NAA60: variants seen among roughly 807,000 people sequenced by gnomAD.
The protein encoded by NAA60 is N-alpha-acetyltransferase 60, NatF catalytic subunit.
Under a neutral mutation model 26.1 loss-of-function variants are expected in NAA60, and 8 were observed. The ratio of observed to expected loss-of-function variants is 0.31; its 90% CI spans 0.18 to 0.55. The LOEUF (loss-of-function observed/expected upper bound fraction) is 0.55. Ranked by LOEUF, NAA60 falls within the 20% of genes least tolerant of loss-of-function variation. NAA60 has a pLI of 0.93. For missense variants in NAA60, 290 were observed against 311.3 expected (o/e 0.93, Z 0.51); for synonymous variants, 131 against 122.5 (o/e 1.07, Z -0.46).
chr16:3,470,381 C>A (rs540755596), intron 2 of NAA60, among the ~76,000 whole-genome samples: 1 of 152,292 alleles, frequency 6.6e-6, no homozygotes, highest in East Asian at 1.9e-4. Context: ...ACAGAGCTCC[C>A]GTCACAGCGG....
intron 2 of NAA60, among the ~76,000 whole-genome samples, chr16:3,467,458 G>A (rs1485996823): frequency 6.6e-6 from 1 of 152,180 alleles, no homozygotes; most frequent in Non-Finnish European, 1.5e-5. Context: ...TCCAAGCGCA[G>A]CATGACTTGT....
chr16:3,478,366 G>A (rs2036614862), intron 3 of NAA60, among the ~76,000 whole-genome samples: 1 of 152,238 alleles, frequency 6.6e-6, no homozygotes, highest in Non-Finnish European at 1.5e-5. Flanking sequence ...GTGGAGCCAC[G>A]CTGGACCGTG....
chr16:3,471,484 G>A (rs1391428335), intron 2 of NAA60, among the ~76,000 whole-genome samples: 1 of 152,050 alleles, frequency 6.6e-6, no homozygotes, highest in East Asian at 1.9e-4. Flanking sequence ...GCCTTGGGGG[G>A]CAGAGCAAGA....
At chr16:3,469,670 G>T (rs577384018) in intron 2 of NAA60, among the ~76,000 whole-genome samples, 7 of 152,108 alleles carry the variant, frequency 4.6e-5, no homozygotes, top group Non-Finnish European at 1.5e-5. Context: ...GCACCTGCCT[G>T]GCGGGGCCTG....
At chr16:3,458,721 A>G (rs754389429) in intron 2 of NAA60, among the ~76,000 whole-genome samples, 44 of 152,180 alleles carry the variant, frequency 2.9e-4, no homozygotes, top group Admixed American at 1.5e-3. Flanking sequence ...GTCTCCTCCT[A>G]GTCTTATTCT....
chr16:3,480,884 G>A (rs935068344), intron 4 of NAA60, among the ~76,000 whole-genome samples: 10 of 152,144 alleles, frequency 6.6e-5, no homozygotes, highest in African/African-American at 2.4e-4. Context: ...ACTCCAGCCT[G>A]GGTGACAGAG....
At position 3,476,319 on chromosome 16, in the gene NAA60, G is replaced by A. The variant is rs779048141; in HGVS notation, c.92G>A (p.Gly31Asp). ...ATAGACACTGTGAAGCACCTGTGTG[G>A]CGACTGGTTCCCCATCGAGTAAGTG... ...DDIDTVKHLCGDWFPIEYPDS... is the reference protein window; with the variant it reads ...DDIDTVKHLCDDWFPIEYPDS... Residue 31 changes from glycine to aspartate, a missense_variant, in exon 3 of 8, where the codon GGC (glycine) becomes GAC (aspartate). By Grantham distance (94) the Gly-to-Asp change is moderately conservative (BLOSUM62 -1). Transcript: ENST00000407558. The A allele has an allele frequency of 1.2e-5, 20 of 1,613,916 alleles. No individual in the cohort carries two copies. The Middle Eastern group carries it at 4.9e-4, about 40-fold the overall frequency.
chr16:3,476,415 T>C (rs756089335), intron 3 of NAA60, 78 bp downstream of exon 3: 1 of 1,208,408 alleles, frequency 8.3e-7, no homozygotes, highest in Non-Finnish European at 1.2e-6. Flanking sequence ...GGTGGGGGCC[T>C]CTTGGGCCCT....
rs992582209 is a variant in NAA60, at chr16:3,443,777, G to A, written c.-137G>A. 2.0e-5 allele frequency: 31 copies of A among 1,534,082 alleles called. No homozygotes were observed. The Admixed American group carries it at 6.1e-4, about 30-fold the overall frequency. On this transcript the variant is annotated 5_prime_UTR_variant, in exon 1 of 8. Transcript: ENST00000407558. ...CCCCAGGGGGACGTAATGTTTCCGA[G>A]AAGAAGGACAGAAAGAAGACTGGGA... is the stretch of plus-strand genomic sequence containing the variant.
At position 3,484,735 on chromosome 16, in the gene NAA60, C is replaced by A; in HGVS notation, c.609C>A (p.Ser203Arg). ...AGCACCTGGGCTCTGCACTAGCCAG[C>A]CTGAGCCCCTGCTCCATTCCGCACA... ...YIQHLGSALA[S>R]LSPCSIPHRV... The change falls in exon 7 of 8, where the codon AGC (serine) becomes AGA (arginine). Residue 203 changes from serine to arginine, a missense_variant. Coordinates refer to ENST00000407558, the MANE Select transcript of NAA60 (RefSeq NM_001083601.3). The A allele has an allele frequency of 1.3e-6, 2 of 1,595,790 alleles. No homozygotes were observed. Among genetic ancestry groups the A allele is most frequent in the Non-Finnish European group, 1.7e-6 (2 of 1,172,084 alleles).
At chr16:3,465,043 G>A (rs377720658) in intron 2 of NAA60, among the ~76,000 whole-genome samples, 13 of 152,088 alleles carry the variant, frequency 8.5e-5, no homozygotes, top group African/African-American at 3.1e-4. Flanking sequence ...TGAGGCGGGT[G>A]GATCATGAGG....
At chr16:3,465,939 C>T (rs983400715) in intron 2 of NAA60, among the ~76,000 whole-genome samples, 2 of 152,128 alleles carry the variant, frequency 1.3e-5, no homozygotes, top group African/African-American at 2.4e-5. Flanking sequence ...AAATGTAAGG[C>T]GTGACAGAAC....
intron 2 of NAA60, among the ~76,000 whole-genome samples, chr16:3,473,501 C>CATA (rs1212784878): frequency 6.6e-6 from 1 of 152,174 alleles, no homozygotes; most frequent in East Asian, 1.9e-4. Flanking sequence ...CAGTTATCTC[C>CATA]CACCAGGTCC....
chr16:3,470,468 G>A (rs2036058421), intron 2 of NAA60, among the ~76,000 whole-genome samples: 1 of 152,244 alleles, frequency 6.6e-6, no homozygotes, highest in Non-Finnish European at 1.5e-5. Flanking sequence ...GCGTCAGCAG[G>A]AAAGGAGGCC....
chr16:3,461,440 C>T (rs1028465968), intron 2 of NAA60, among the ~76,000 whole-genome samples: 10 of 152,180 alleles, frequency 6.6e-5, no homozygotes, highest in Non-Finnish European at 1.2e-4. Context: ...AAACAAGGGC[C>T]ACTCCCTAGT....
chr16:3,467,153 C>T (rs895823662), intron 2 of NAA60, among the ~76,000 whole-genome samples: 11 of 152,258 alleles, frequency 7.2e-5, no homozygotes, highest in African/African-American at 2.6e-4. Flanking sequence ...GAAGCAGCGT[C>T]TCATGCAGCC....
At chr16:3,483,242 T>C in intron 5 of NAA60, 121 bp from the exon 6 acceptor site, 2 of 735,612 alleles carry the variant, frequency 2.7e-6, no homozygotes, top group Non-Finnish European at 2.3e-6. Context: ...GAAGAAAGGC[T>C]GGTCTCTGAT....
chr16:3,479,401 G>C (rs1479314385), intron 3 of NAA60, 70 bp from the exon 4 acceptor site: 6 of 1,559,202 alleles, frequency 3.8e-6, no homozygotes, highest in African/African-American at 2.7e-5. Context: ...CTGTGGTTCT[G>C]ATGTCTAGAG....
Position 3,477,842 on chromosome 16 carries a change from GA to G in NAA60, c.110+1506del, listed in dbSNP as rs1159923578. ...GCACTTTGGGAGGCCGAGGCGGGTG[GA>G]TCACGAAGTCAGGAGTTCAAGACCA... On this transcript the variant is annotated intron_variant, in intron 3 of 7. Coordinates refer to ENST00000407558, the MANE Select transcript of NAA60 (RefSeq NM_001083601.3). Among the ~76,000 whole-genome samples, 11 of 151,986 alleles carry G rather than the reference GA, an allele frequency of 7.2e-5. No individual in the cohort carries two copies. In the East Asian group the frequency reaches 2.1e-3, roughly 29 times the overall value.
Sources: gnomAD v4.1 joint callset for allele counts (sites outside exome capture counted in the v4.1 genomes callset) on GRCh38, gnomAD v4.1.1 for gene constraint, MANE v1.5 for transcripts, NCBI Gene and HGNC (gene_info 2026-07-23, HGNC 2026-07-21) for gene names.